The following NUP58 variants were observed in gnomAD, a reference collection of about 807,000 sequenced individuals.
NUP58 encodes nucleoporin 58, also known as nucleoporin p58/p45.
In NUP58, 17 loss-of-function variants were observed where a neutral mutation model predicts 70.1. The ratio of observed to expected loss-of-function variants is 0.24; its 90% CI spans 0.17 to 0.36. The LOEUF is 0.36. NUP58 is among the 10% of genes least tolerant of loss of function. NUP58 has a pLI of 1.00. For synonymous variants in NUP58, 275 were observed against 257.6 expected, an observed-to-expected ratio of 1.07 and a Z score of -0.65; for missense variants, 644 against 701.5, an observed-to-expected ratio of 0.92 and a Z score of 0.93.
intron 6 of NUP58, 83 bp from the exon 7 acceptor site, chr13:25,319,238 CTTTAA>C: frequency 9.1e-7 from 1 of 1,095,176 alleles, no homozygotes; most frequent in South Asian, 1.3e-5. Context: ...TATATTTATA[CTTTAA>C]TTTGTGTTAA....
intron 13 of NUP58, chr13:25,331,855 A>C (rs1328906677): frequency 1.7e-6 from 2 of 1,187,196 alleles, no homozygotes; most frequent in Non-Finnish European, 2.1e-6. Context: ...ATTACATTTA[A>C]GAATAACATT....
chr13:25,322,348 G>T (rs2031221694), intron 9 of NUP58, among the ~76,000 whole-genome samples: 1 of 152,214 alleles, frequency 6.6e-6, no homozygotes, highest in African/African-American at 2.4e-5. Context: ...ACTCTAAACT[G>T]TAATGGCTAA....
At chr13:25,302,253 A>G (rs1467068468) in intron 1 of NUP58, among the ~76,000 whole-genome samples, 1 of 152,244 alleles carries the variant, frequency 6.6e-6, no homozygotes, top group Non-Finnish European at 1.5e-5. Context: ...AAATTATAGC[A>G]TACTGTGGAG....
chr13:25,326,852 A>C (rs866475989), intron 10 of NUP58, 64 bp from the exon 11 acceptor site: 1 of 859,236 alleles, frequency 1.2e-6, no homozygotes, highest in African/African-American at 1.7e-5. Flanking sequence ...AATATTCCTT[A>C]ATTTGGATTT....
intron 1 of NUP58, chr13:25,302,936 C>G (rs777635582): frequency 2.2e-6 from 1 of 456,414 alleles, no homozygotes; most frequent in Middle Eastern, 3.3e-4. Context: ...GTTCCACAAC[C>G]CTGCTTAGGC....
At chr13:25,348,245 A>G (rs925687459) in intron 3 of NUP58, among the ~76,000 whole-genome samples, 8 of 152,246 alleles carry the variant, frequency 5.3e-5, no homozygotes, top group Non-Finnish European at 1.0e-4. Flanking sequence ...AAATTTATAA[A>G]ATCTAAATGC....
intron 13 of NUP58, chr13:25,333,107 A>G: frequency 1.0e-6 from 1 of 985,246 alleles, no homozygotes; most frequent in Non-Finnish European, 1.2e-6. Flanking sequence ...CTTGAAGCAA[A>G]ATCTCCTGTC....
intron 15 of NUP58, among the ~76,000 whole-genome samples, chr13:25,339,679 T>C (rs571849817): frequency 6.6e-6 from 1 of 152,334 alleles, no homozygotes; most frequent in South Asian, 2.1e-4. Flanking sequence ...CATATTTAAT[T>C]AACAGGAAAG....
chr13:25,320,655 G>T, intron 8 of NUP58, 60 bp downstream of exon 8: 1 of 1,239,480 alleles, frequency 8.1e-7, no homozygotes, highest in Non-Finnish European at 1.2e-6. Flanking sequence ...ACTTCTTAAG[G>T]GGAGCATCTC....
intron 10 of NUP58, among the ~76,000 whole-genome samples, chr13:25,326,218 A>G (rs1490540183): frequency 2.6e-5 from 4 of 152,208 alleles, no homozygotes; most frequent in Non-Finnish European, 5.9e-5. Context: ...CTACTATTTT[A>G]TCCCTCTGTC....
intron 12 of NUP58, among the ~76,000 whole-genome samples, chr13:25,328,298 T>C (rs1387882795): frequency 1.3e-5 from 2 of 152,198 alleles, no homozygotes; most frequent in Admixed American, 1.3e-4. Flanking sequence ...AAAAACCGGC[T>C]TACAGCATTT....
chr13:25,309,654 G>A (rs2030552425), intron 3 of NUP58, among the ~76,000 whole-genome samples: 1 of 152,098 alleles, frequency 6.6e-6, no homozygotes, highest in Non-Finnish European at 1.5e-5. Context: ...TAATGTTTGG[G>A]GCTTTTAGTT....
intron 1 of NUP58, among the ~76,000 whole-genome samples, chr13:25,305,149 T>TTTG: frequency 8.6e-6 from 1 of 115,914 alleles, no homozygotes; most frequent in African/African-American, 3.3e-5. Context: ...TTTTTTTTTT[T>TTTG]TTTTTTTTTT....
chr13:25,319,201 A>T, intron 6 of NUP58, 125 bp from the exon 7 acceptor site: 1 of 878,468 alleles, frequency 1.1e-6, no homozygotes, highest in South Asian at 1.4e-5. Flanking sequence ...GATGTTTATG[A>T]GGCAAGCAAA....
chr13:25,334,148 G>A (rs2031704782), intron 13 of NUP58: 1 of 985,354 alleles, frequency 1.0e-6, no homozygotes, highest in Non-Finnish European at 1.2e-6. Context: ...ATTTGTGTAT[G>A]AAATCATGAG....
At chr13:25,305,095 T>C (rs2030255126) in intron 1 of NUP58, among the ~76,000 whole-genome samples, 1 of 151,690 alleles carries the variant, frequency 6.6e-6, no homozygotes, top group Admixed American at 6.6e-5. Context: ...AAAAATACCT[T>C]TTAAATTAAG....
intron 6 of NUP58, among the ~76,000 whole-genome samples, chr13:25,317,163 G>A (rs773341654): frequency 5.9e-5 from 9 of 152,148 alleles, no homozygotes; most frequent in African/African-American, 9.7e-5. Context: ...AGGGGACAGC[G>A]TCAAGTGAGA....
intron 5 of NUP58, 44 bp downstream of exon 5, chr13:25,313,795 T>C: frequency 1.4e-6 from 2 of 1,410,692 alleles, no homozygotes; most frequent in Non-Finnish European, 1.9e-6. Flanking sequence ...ATATTTATAT[T>C]TAAATGTACT....
chr13:25,302,809 A>G (rs966981943), intron 1 of NUP58: 3 of 380,678 alleles, frequency 7.9e-6, no homozygotes, highest in Non-Finnish European at 1.6e-5. Context: ...ACCACGGACT[A>G]CACAGTCAAT....
Sources: allele counts gnomAD v4.1 joint callset (sites outside exome capture counted in the v4.1 genomes callset), GRCh38; gene constraint gnomAD v4.1.1; transcripts MANE v1.5; gene names NCBI Gene and HGNC (gene_info 2026-07-23, HGNC 2026-07-21).